The following LRP1B variants were observed in gnomAD, a reference collection of about 807,000 sequenced individuals.
LRP1B encodes LDL receptor related protein 1B, also known as low-density lipoprotein receptor-related protein 1B.
LRP1B carries 217 observed loss-of-function variants against 556.6 expected under a neutral mutation model. The observed-to-expected ratio is 0.39, with a 90% CI of 0.35 to 0.44. The LOEUF (loss-of-function observed/expected upper bound fraction) is 0.44, where lower values mean the gene tolerates loss of function less well. Ranked by LOEUF, LRP1B falls within the 20% of genes least tolerant of loss-of-function variation. The pLI, the probability that LRP1B is intolerant of heterozygous loss-of-function variation, is 1.00. For synonymous variants in LRP1B, 2,047 were observed against 1,865.8 expected, an observed-to-expected ratio of 1.10 and a Z score of -2.50; for missense variants, 5,053 against 5,620.8, an observed-to-expected ratio of 0.90 and a Z score of 3.23.
chr2:140,921,324 A>T (rs1200350452), intron 21 of LRP1B, among the ~76,000 whole-genome samples: 1 of 151,904 alleles, frequency 6.6e-6, no homozygotes, highest in Non-Finnish European at 1.5e-5. Flanking sequence ...TTTTGTTTTA[A>T]CCAAGCTTTG....
chr2:141,224,726 C>G (rs1227806318), intron 6 of LRP1B, among the ~76,000 whole-genome samples: 1 of 151,612 alleles, frequency 6.6e-6, no homozygotes, highest in African/African-American at 2.4e-5. Flanking sequence ...AACAGAAAAC[C>G]AAGAGAACCA....
intron 1 of LRP1B, among the ~76,000 whole-genome samples, chr2:141,942,515 A>C (rs2105017013): frequency 1.3e-5 from 2 of 152,246 alleles, no homozygotes; most frequent in South Asian, 2.1e-4. Context: ...AAAAAAAAAA[A>C]CAAAAAACAA....
At chr2:142,080,431 G>A (rs1023235460) in intron 1 of LRP1B, among the ~76,000 whole-genome samples, 10 of 151,884 alleles carry the variant, frequency 6.6e-5, no homozygotes, top group African/African-American at 2.4e-4. Context: ...GTTTTTAAAG[G>A]GATTTTTATT....
intron 25 of LRP1B, among the ~76,000 whole-genome samples, chr2:140,880,731 G>C (rs531655454): frequency 1.5e-4 from 23 of 152,268 alleles, no homozygotes; most frequent in African/African-American, 5.1e-4. Context: ...AAAGTGGCTA[G>C]TTGCAAACCT....
At chr2:140,442,699 A>T (rs929696025) in intron 65 of LRP1B, 76 bp from the exon 66 acceptor site, 36 of 1,443,540 alleles carry the variant, frequency 2.5e-5, no homozygotes, top group Non-Finnish European at 3.3e-5. Context: ...TTACAGACAA[A>T]TGTTTAAGAC....
intron 87 of LRP1B, among the ~76,000 whole-genome samples, chr2:140,246,375 T>A (rs774725930): frequency 6.6e-6 from 1 of 151,448 alleles, no homozygotes; most frequent in Non-Finnish European, 1.5e-5. Flanking sequence ...AATGACAACA[T>A]GTGTGAACTG....
At chr2:141,570,823 C>A (rs74324668) in intron 2 of LRP1B, among the ~76,000 whole-genome samples, 41,208 of 150,916 alleles carry the variant, frequency 0.27, 7,189 homozygotes, top group East Asian at 0.48. Context: ...TGACCCGGAC[C>A]CATCCTTCCT....
chr2:142,108,251 T>C (rs1016328109), intron 1 of LRP1B, among the ~76,000 whole-genome samples: 4 of 152,048 alleles, frequency 2.6e-5, no homozygotes, highest in Non-Finnish European at 4.4e-5. Flanking sequence ...ATCTTTCCTA[T>C]GATTTTAGAG....
intron 7 of LRP1B, among the ~76,000 whole-genome samples, chr2:141,102,490 G>T (rs1700487831): frequency 6.6e-6 from 1 of 151,940 alleles, no homozygotes. Context: ...ACCTATATCG[G>T]GTTTCTTGCC....
At chr2:141,660,903 C>G (rs142100139) in intron 2 of LRP1B, among the ~76,000 whole-genome samples, 1 of 152,128 alleles carries the variant, frequency 6.6e-6, no homozygotes, top group African/African-American at 2.4e-5. Context: ...ACACCTTGTA[C>G]AGGAGTGTTC....
intron 2 of LRP1B, among the ~76,000 whole-genome samples, chr2:141,775,380 A>T (rs138787897): frequency 5.9e-5 from 9 of 152,150 alleles, no homozygotes; most frequent in African/African-American, 2.2e-4. Flanking sequence ...CCTTATTTTC[A>T]TATATATGTG....
chr2:141,206,748 G>T (rs746062862), intron 6 of LRP1B, among the ~76,000 whole-genome samples: 5 of 152,080 alleles, frequency 3.3e-5, no homozygotes, highest in African/African-American at 7.2e-5. Context: ...TGTAACTAAG[G>T]TTCTGCATGC....
intron 6 of LRP1B, among the ~76,000 whole-genome samples, chr2:141,217,453 C>A (rs570011535): frequency 6.6e-6 from 1 of 151,962 alleles, no homozygotes; most frequent in Non-Finnish European, 1.5e-5. Context: ...GCTAACTCAA[C>A]GGAAAAAGGT....
In LRP1B at chr2:140,730,112, T is replaced by C. The variant is rs567216936; in HGVS notation, c.5759-13296A>G. Among the ~76,000 whole-genome samples, 61 of 152,222 alleles carry C rather than the reference T, an allele frequency of 4.0e-4. 1 individual carries two copies. The highest frequency in any genetic ancestry group is 7.6e-4 in the Non-Finnish European group (52 of 68,032). ...TATGTGTTTTAACTCTTTTATTTAT[T>C]TATATTTCAAATCTACATATACCAC... On this transcript the variant is annotated intron_variant, in intron 35 of 90. Transcript: ENST00000389484.
At chr2:141,809,566 T>A (rs1696269116) in intron 2 of LRP1B, among the ~76,000 whole-genome samples, 1 of 152,082 alleles carries the variant, frequency 6.6e-6, no homozygotes, top group African/African-American at 2.4e-5. Flanking sequence ...CATATTTAGC[T>A]ATGGTCATAT....
chr2:140,442,722 A>AAGT, intron 65 of LRP1B, 99 bp from the exon 66 acceptor site: 1 of 1,196,178 alleles, frequency 8.4e-7, no homozygotes, highest in East Asian at 2.4e-5. Context: ...TTTATCGAAA[A>AAGT]ATGTATTGTC....
At chr2:140,410,200 CCTT>C (rs1248197727) in intron 66 of LRP1B, among the ~76,000 whole-genome samples, 2 of 151,774 alleles carry the variant, frequency 1.3e-5, no homozygotes, top group Admixed American at 1.3e-4. Flanking sequence ...ATGTTAGTCT[CCTT>C]CTCCTTCTCT....
At chr2:141,878,648 ATG>A (rs1288862750) in intron 1 of LRP1B, among the ~76,000 whole-genome samples, 1 of 152,006 alleles carries the variant, frequency 6.6e-6, no homozygotes, top group Non-Finnish European at 1.5e-5. Context: ...AAATAAATTA[ATG>A]TGTATATTAA....
chr2:140,726,861 T>C (rs979624867), intron 35 of LRP1B, among the ~76,000 whole-genome samples: 1 of 152,158 alleles, frequency 6.6e-6, no homozygotes, highest in Admixed American at 6.6e-5. Flanking sequence ...ATCTTAATGG[T>C]TCATCTTGCA....
Sources: gnomAD v4.1 joint callset for allele counts (sites outside exome capture counted in the v4.1 genomes callset) on GRCh38, gnomAD v4.1.1 for gene constraint, MANE v1.5 for transcripts, NCBI Gene and HGNC (gene_info 2026-07-23, HGNC 2026-07-21) for gene names.